FILIP1L: variants seen among roughly 807,000 people sequenced by gnomAD.
FILIP1L encodes filamin A interacting protein 1 like.
In FILIP1L, 55 loss-of-function variants were observed where a neutral mutation model predicts 96.6. The observed-to-expected ratio is 0.57, with a 90% CI of 0.46 to 0.71. The LOEUF (loss-of-function observed/expected upper bound fraction) is 0.71, where lower values mean the gene tolerates loss of function less well. Ranked by LOEUF, FILIP1L falls within the 30% of genes least tolerant of loss-of-function variation. The pLI, the probability that FILIP1L is intolerant of heterozygous loss-of-function variation, is 0.00. For missense variants in FILIP1L, 1,304 were observed against 1,321.2 expected (o/e 0.99, Z 0.20); for synonymous variants, 467 against 473.9 (o/e 0.99, Z 0.19).
chr3:99,876,328 A>G, intron 4 of FILIP1L: 1 of 492,086 alleles, frequency 2.0e-6, no homozygotes, highest in Non-Finnish European at 2.6e-6. Flanking sequence ...GCTCCCGCGG[A>G]TGTTCCGGCC....
chr3:99,846,570 T>C (rs1943373069), intron 5 of FILIP1L, among the ~76,000 whole-genome samples: 1 of 152,230 alleles, frequency 6.6e-6, no homozygotes, highest in Non-Finnish European at 1.5e-5. Flanking sequence ...ATTCCTAAGA[T>C]AAATGTGTTT....
At chr3:100,049,351 G>T (rs557505368) in intron 1 of FILIP1L, among the ~76,000 whole-genome samples, 1 of 152,094 alleles carries the variant, frequency 6.6e-6, no homozygotes, top group African/African-American at 2.4e-5. Flanking sequence ...GGGTCTTACC[G>T]AACTTACCAA....
chr3:99,996,841 G>T (rs1414192650), intron 1 of FILIP1L, among the ~76,000 whole-genome samples: 1 of 151,702 alleles, frequency 6.6e-6, no homozygotes, highest in Non-Finnish European at 1.5e-5. Flanking sequence ...CAACACATGG[G>T]AATTATGGGA....
chr3:99,841,438 A>G (rs1361785263), intron 5 of FILIP1L, among the ~76,000 whole-genome samples: 1 of 152,182 alleles, frequency 6.6e-6, no homozygotes, highest in Non-Finnish European at 1.5e-5. Context: ...ACCTTTCTAA[A>G]AGGTCCTCTC....
chr3:99,995,750 A>G (rs1341083207), intron 1 of FILIP1L, among the ~76,000 whole-genome samples: 1 of 152,220 alleles, frequency 6.6e-6, no homozygotes, highest in Non-Finnish European at 1.5e-5. Flanking sequence ...GGAAGCTGCC[A>G]AGGCTTGGGT....
At chr3:99,977,009 G>A (rs188055175) in intron 1 of FILIP1L, among the ~76,000 whole-genome samples, 11 of 152,260 alleles carry the variant, frequency 7.2e-5, no homozygotes, top group East Asian at 1.9e-4. Context: ...TATGATCACC[G>A]TTTAGCAAGT....
At position 100,078,371 on chromosome 3, in the gene FILIP1L, C is replaced by T. The variant is rs146157706; in HGVS notation, c.-11+35682G>A. 4.7e-3 allele frequency among the ~76,000 whole-genome samples: 708 copies of T among 152,192 alleles called. 2 individuals carry two copies. The highest frequency in any genetic ancestry group is 7.1e-3 in the South Asian group (34 of 4,822). The stretch of plus-strand genomic sequence containing the variant: ...TCTGTTACAGTTCTTACATGTAGAA[C>T]GATGACATAACACATATGTAATATA... On this transcript the variant is annotated intron_variant, in intron 1 of 5. Transcript: ENST00000477258.
At chr3:99,991,834 A>ATG (rs1374667949) in intron 1 of FILIP1L, among the ~76,000 whole-genome samples, 1,085 of 84,474 alleles carry the variant, frequency 0.013, 12 homozygotes, top group African/African-American at 0.039. Context: ...GTATATATAT[A>ATG]TATGTGTGTG....
chr3:99,974,212 G>A (rs1185090110), intron 1 of FILIP1L, among the ~76,000 whole-genome samples: 1 of 152,194 alleles, frequency 6.6e-6, no homozygotes, highest in Non-Finnish European at 1.5e-5. Flanking sequence ...TATCATTGAA[G>A]GACTTGTCGT....
chr3:99,888,560 A>G (rs1184316198), intron 4 of FILIP1L, among the ~76,000 whole-genome samples: 1 of 152,232 alleles, frequency 6.6e-6, no homozygotes, highest in African/African-American at 2.4e-5. Flanking sequence ...GGTTTTGTAG[A>G]GGTGCCTGTT....
At chr3:100,074,420 G>A (rs1363187711) in intron 1 of FILIP1L, among the ~76,000 whole-genome samples, 2 of 151,934 alleles carry the variant, frequency 1.3e-5, no homozygotes, top group Non-Finnish European at 2.9e-5. Flanking sequence ...TTTTCCAGAG[G>A]CCTTTTCTAC....
chr3:99,841,512 A>T (rs1943130843), intron 5 of FILIP1L, among the ~76,000 whole-genome samples: 1 of 152,126 alleles, frequency 6.6e-6, no homozygotes, highest in South Asian at 2.1e-4. Flanking sequence ...TTCATTAGTA[A>T]CCTCACCTCC....
intron 1 of FILIP1L, among the ~76,000 whole-genome samples, chr3:99,945,444 A>G (rs1707980592): frequency 1.3e-5 from 2 of 152,164 alleles, no homozygotes; most frequent in South Asian, 2.1e-4. Context: ...TTTGTTAGAA[A>G]GCACCCAGGG....
At chr3:99,832,303 T>A (rs1268525540) in intron 5 of FILIP1L, among the ~76,000 whole-genome samples, 2 of 148,786 alleles carry the variant, frequency 1.3e-5, no homozygotes, top group African/African-American at 5.0e-5. Context: ...CGATATCGGC[T>A]CACTGCAAGC....
intron 1 of FILIP1L, among the ~76,000 whole-genome samples, chr3:100,070,251 G>A (rs1158235697): frequency 1.3e-5 from 2 of 152,104 alleles, no homozygotes; most frequent in Non-Finnish European, 2.9e-5. Flanking sequence ...TTTGTGGGGA[G>A]GTCAGTTGTT....
chr3:100,002,699 T>G (rs1157875984), intron 1 of FILIP1L, among the ~76,000 whole-genome samples: 2 of 152,194 alleles, frequency 1.3e-5, no homozygotes, highest in East Asian at 3.8e-4. Context: ...CTCATCTAAT[T>G]GTACATGTGG....
At chr3:99,896,486 T>C (rs1304155762) in intron 4 of FILIP1L, among the ~76,000 whole-genome samples, 1 of 152,214 alleles carries the variant, frequency 6.6e-6, no homozygotes, top group Non-Finnish European at 1.5e-5. Flanking sequence ...CACCTTAAGC[T>C]ACTGAGGCTT....
At chr3:99,991,101 A>C (rs149185630) in intron 1 of FILIP1L, among the ~76,000 whole-genome samples, 244 of 152,302 alleles carry the variant, frequency 1.6e-3, no homozygotes, top group African/African-American at 5.5e-3. Context: ...AAGACCAAAA[A>C]AATTCTTCCC....
intron 1 of FILIP1L, among the ~76,000 whole-genome samples, chr3:100,048,172 C>T (rs1300599299): frequency 6.6e-6 from 1 of 152,244 alleles, no homozygotes; most frequent in African/African-American, 2.4e-5. Flanking sequence ...CCAAGCTCTG[C>T]TGAACAGCCC....
Sources: allele counts gnomAD v4.1 joint callset (sites outside exome capture counted in the v4.1 genomes callset), GRCh38; gene constraint gnomAD v4.1.1; transcripts MANE v1.5; gene names NCBI Gene and HGNC (gene_info 2026-07-23, HGNC 2026-07-21).